The following FSIP1 variants were observed in gnomAD, a reference collection of about 807,000 sequenced individuals.
FSIP1 encodes fibrous sheath-interacting protein 1.
A neutral mutation model predicts 60.9 loss-of-function variants in FSIP1; 65 were observed. The ratio of observed to expected loss-of-function variants is 1.07; its 90% CI spans 0.87 to 1.31. The LOEUF (loss-of-function observed/expected upper bound fraction) is 1.31. Among genes scored for constraint, FSIP1 ranks in the 40% most tolerant of loss-of-function variants. The pLI, the probability that FSIP1 is intolerant of heterozygous loss-of-function variation, is 0.00. For missense variants in FSIP1, 675 were observed against 665.5 expected, an observed-to-expected ratio of 1.01 and a Z score of -0.16; for synonymous variants, 209 against 221.2, an observed-to-expected ratio of 0.94 and a Z score of 0.49.
rs949139142 is a variant in FSIP1 at position 39,600,726 on chromosome 15, T to C, written c.*154A>G. ...AATTACACCCCAAGTCTCAAAAATA[T>C]CAAGGAAATATAATCCACAAAGAGC... On this transcript the variant is annotated 3_prime_UTR_variant, in exon 12 of 12. Coordinates refer to ENST00000350221, the MANE Select transcript of FSIP1 (RefSeq NM_152597.5). 1.8e-6 allele frequency: 1 copy of C among 563,694 alleles called. No individual in the cohort carries two copies. The highest frequency in any genetic ancestry group is 3.1e-6 in the Non-Finnish European group (1 of 326,094). The allele number at this position is 563,694 out of a possible 1,614,324, so 34.9% of individuals were successfully genotyped here.
chr15:39,618,017 T>C lies in FSIP1; in HGVS notation c.1417A>G (p.Ser473Gly). ...TEVEDADMLE[S>G]EECEASKGYY... ...CCTTTAGAAGCTTCACATTCTTCAC[T>C]CTCAAGCATATCTGCATCTTCTACC... The change falls in exon 11 of 12, where the codon AGT (serine) becomes GGT (glycine). Residue 473 changes from serine to glycine, a missense_variant. Ser to Gly is a moderately conservative substitution (Grantham distance 56). Coordinates refer to ENST00000350221, the MANE Select transcript of FSIP1 (RefSeq NM_152597.5). 6.2e-7 allele frequency: 1 copy of C among 1,614,200 alleles called. No homozygotes were observed. The highest frequency in any genetic ancestry group is 8.5e-7 in the Non-Finnish European group (1 of 1,180,022).
intron 10 of FSIP1, among the ~76,000 whole-genome samples, chr15:39,627,723 G>A (rs562226686): frequency 6.6e-6 from 1 of 152,212 alleles, no homozygotes; most frequent in Non-Finnish European, 1.5e-5. Flanking sequence ...GTACTTGCTA[G>A]CAAGCAGTAG....
At chr15:39,775,763 T>G (rs1898033116) in intron 2 of FSIP1, among the ~76,000 whole-genome samples, 1 of 152,142 alleles carries the variant, frequency 6.6e-6, no homozygotes. Flanking sequence ...CCCCTTCACC[T>G]TCCGCCATGA....
intron 10 of FSIP1, among the ~76,000 whole-genome samples, chr15:39,700,522 T>C (rs541639551): frequency 3.0e-4 from 46 of 152,372 alleles, no homozygotes; most frequent in Non-Finnish European, 5.7e-4. Context: ...TTGTGCAACA[T>C]CATTGACCAC....
chr15:39,652,509 C>A (rs1263487743), intron 10 of FSIP1, among the ~76,000 whole-genome samples: 1 of 152,152 alleles, frequency 6.6e-6, no homozygotes, highest in Non-Finnish European at 1.5e-5. Flanking sequence ...TTGCACATTT[C>A]GGGTGATTAA....
intron 10 of FSIP1, among the ~76,000 whole-genome samples, chr15:39,625,702 G>T (rs192960088): frequency 6.6e-6 from 1 of 152,258 alleles, no homozygotes; most frequent in Admixed American, 6.5e-5. Context: ...TCTACAGCTG[G>T]AGGGGGCCTG....
chr15:39,722,310 G>T (rs529688056), intron 9 of FSIP1, among the ~76,000 whole-genome samples: 1 of 151,786 alleles, frequency 6.6e-6, no homozygotes, highest in East Asian at 1.9e-4. Flanking sequence ...TCTACATTAT[G>T]GTGAGTTGTA....
chr15:39,657,914 T>C (rs1405214740), intron 10 of FSIP1, among the ~76,000 whole-genome samples: 1 of 152,200 alleles, frequency 6.6e-6, no homozygotes, highest in Non-Finnish European at 1.5e-5. Flanking sequence ...CAAAAAATTC[T>C]AAAAATGCCT....
chr15:39,625,795 G>A (rs774476089), intron 10 of FSIP1, among the ~76,000 whole-genome samples: 2 of 152,178 alleles, frequency 1.3e-5, no homozygotes, highest in African/African-American at 2.4e-5. Context: ...CTAAAAAGGG[G>A]CCCCTGATTG....
At position 39,632,781 on chromosome 15, in the gene FSIP1, ACT is replaced by A. The variant is rs1891954994; in HGVS notation, c.1189-14538_1189-14537del. Among the ~76,000 whole-genome samples the A allele has an allele frequency of 2.0e-5, 3 of 151,878 alleles. No homozygotes were observed. In the South Asian group the frequency reaches 6.2e-4, roughly 32 times the overall value. On this transcript the variant is annotated intron_variant, in intron 10 of 11. Coordinates refer to ENST00000350221, the MANE Select transcript of FSIP1 (RefSeq NM_152597.5). ...CACTCCAACCTGGTGACAGAGTGAG[ACT>A]CTGTCTCAAAAAAAAATAAATAAAT... is the stretch of plus-strand genomic sequence containing the variant.
chr15:39,665,052 T>C (rs575978993), intron 10 of FSIP1, among the ~76,000 whole-genome samples: 1 of 152,194 alleles, frequency 6.6e-6, no homozygotes. Flanking sequence ...GCAAGTCCTA[T>C]CTTCTATTAA....
At position 39,633,433 on chromosome 15, in the gene FSIP1, G is replaced by GT. The variant is rs934478792; in HGVS notation, c.1189-15189dup. The stretch of plus-strand genomic sequence containing the variant: ...CCAAACAATTAATTAACTTAATCTA[G>GT]TTTTTTTTATTCGTAAAATGCATTT... On this transcript the variant is annotated intron_variant, in intron 10 of 11. Coordinates refer to ENST00000350221, the MANE Select transcript of FSIP1 (RefSeq NM_152597.5). Among the ~76,000 whole-genome samples the GT allele has an allele frequency of 2.6e-5, 4 of 151,946 alleles. No homozygotes were observed. In the East Asian group the frequency reaches 5.8e-4, roughly 22 times the overall value.
At chr15:39,677,257 CA>C (rs1298893867) in intron 10 of FSIP1, among the ~76,000 whole-genome samples, 8 of 152,092 alleles carry the variant, frequency 5.3e-5, no homozygotes, top group African/African-American at 1.9e-4. Context: ...CAGTAGATTT[CA>C]AAAGAACAAA....
At chr15:39,609,772 A>G (rs140596948) in intron 11 of FSIP1, among the ~76,000 whole-genome samples, 49 of 152,358 alleles carry the variant, frequency 3.2e-4, no homozygotes, top group African/African-American at 1.2e-3. Flanking sequence ...ATCAGAGGCT[A>G]TTACAGAGCC....
chr15:39,679,176 T>C lies in FSIP1; in HGVS notation c.1188+34268A>G, dbSNP rs567428372. ...AGTTCTATTCTCAGATAACCTATATTAAACTTTTAAGAAAGATGGAGAATG... is the reference window on the plus strand; with the variant it reads ...AGTTCTATTCTCAGATAACCTATATCAAACTTTTAAGAAAGATGGAGAATG... On this transcript the variant is annotated intron_variant, in intron 10 of 11. Coordinates refer to ENST00000350221, the MANE Select transcript of FSIP1 (RefSeq NM_152597.5). Among the ~76,000 whole-genome samples the C allele has an allele frequency of 2.4e-4, 37 of 152,310 alleles. 1 individual carries two copies. The South Asian group carries it at 6.4e-3, about 26-fold the overall frequency.
In FSIP1 at chr15:39,741,577, T is replaced by A. The variant is rs372169534; in HGVS notation, c.655+228A>T. 4.6e-5 allele frequency among the ~76,000 whole-genome samples: 7 copies of A among 152,364 alleles called. No individual in the cohort carries two copies. In the South Asian group the frequency reaches 1.2e-3, roughly 27 times the overall value. ...TTCATTACTTGCAGCCAGCTTTTTT[T>A]AAAAACTCTTTATTATTATACAAAA... On this transcript the variant is annotated intron_variant, in intron 6 of 11. Coordinates refer to ENST00000350221, the MANE Select transcript of FSIP1 (RefSeq NM_152597.5).
At chr15:39,736,101 A>G (rs568241841) in intron 8 of FSIP1, among the ~76,000 whole-genome samples, 40 of 152,360 alleles carry the variant, frequency 2.6e-4, no homozygotes, top group African/African-American at 9.6e-4. Flanking sequence ...CGGTGTCACT[A>G]GGTGACAGGA....
intron 9 of FSIP1, among the ~76,000 whole-genome samples, chr15:39,714,825 T>A (rs2664134): frequency 0.83 from 124,067 of 150,370 alleles, 51,297 homozygotes; most frequent in Non-Finnish European, 0.87. Context: ...AATAAAAAAA[T>A]AATTAGCCAG....
intron 10 of FSIP1, among the ~76,000 whole-genome samples, chr15:39,620,658 C>T (rs1209081916): frequency 6.6e-6 from 1 of 150,690 alleles, no homozygotes; most frequent in Non-Finnish European, 1.5e-5. Flanking sequence ...GTGGCGCAAT[C>T]GTGGCTCACT....
Sources: allele counts gnomAD v4.1 joint callset (sites outside exome capture counted in the v4.1 genomes callset), GRCh38; gene constraint gnomAD v4.1.1; transcripts MANE v1.5; gene names NCBI Gene and HGNC (gene_info 2026-07-23, HGNC 2026-07-21).